The following PEG3 variants were observed in gnomAD, a reference collection of about 807,000 sequenced individuals.
The protein encoded by PEG3 is paternally expressed 3.
Under a neutral mutation model 35.5 loss-of-function variants are expected in PEG3, and 23 were observed. The observed-to-expected ratio is 0.65, with a 90% CI of 0.47 to 0.92. The LOEUF (loss-of-function observed/expected upper bound fraction) is 0.92. PEG3 is among the 40% of genes least tolerant of loss of function. The probability of loss-of-function intolerance (pLI) is 0.00; values close to 1 mark genes in which losing one functional copy is unlikely to be tolerated. For missense variants in PEG3, 1,960 were observed against 1,985.3 expected, an observed-to-expected ratio of 0.99 and a Z score of 0.24; for synonymous variants, 707 against 697.0, an observed-to-expected ratio of 1.01 and a Z score of -0.23.
At chr19:56,818,539 G>A in intron 8 of PEG3, 61 bp downstream of exon 8, 2 of 1,575,080 alleles carry the variant, frequency 1.3e-6, no homozygotes, top group Admixed American at 1.7e-5. Flanking sequence ...TTAAAAAGGA[G>A]CAAGATGACA....
In PEG3 at chr19:56,814,524, A is replaced by G. The variant is rs551557951; in HGVS notation, c.3918T>C (p.Asn1306=). Reference sequence around the variant, plus strand: ...AGGAGGACCCGTACTCATAGGGCTCATTCTTATGAACAGTTACGTGATCTG... The same window carrying G: ...AGGAGGACCCGTACTCATAGGGCTCGTTCTTATGAACAGTTACGTGATCTG... ...ELADHVTVHK[N]EPYEYGSSYT... The change falls in exon 10 of 10, where the codon AAT becomes AAC. Residue 1306 remains asparagine, a synonymous_variant. Coordinates refer to ENST00000326441, the MANE Select transcript of PEG3 (RefSeq NM_006210.3). The surrounding 1 kb of genome is among the most constrained non-coding windows in gnomAD (Gnocchi z 5.8). The G allele has an allele frequency of 1.2e-6, 2 of 1,614,022 alleles. No individual in the cohort carries two copies. Among genetic ancestry groups the G allele is most frequent in the African/African-American group, 1.3e-5 (1 of 75,050 alleles).
In PEG3 at chr19:56,812,570, A is replaced by G. The variant is rs1369163615; in HGVS notation, c.*1105T>C. On this transcript the variant is annotated 3_prime_UTR_variant, in exon 10 of 10. Transcript: ENST00000326441. ...GTGGCAGCATAAGCTGATGCTGCAC[A>G]GGGGACCCAAGCCATGTTGCTACTT... 3.0e-5 allele frequency: 30 copies of G among 985,724 alleles called. No homozygotes were observed. The highest frequency in any genetic ancestry group is 3.6e-5 in the Non-Finnish European group (30 of 829,920). 61.1% of individuals were successfully genotyped at this position (985,724 alleles called of 1,614,324 possible). A position where few individuals can be genotyped will look rare whatever the true frequency, so the allele number is the denominator to read the frequency against.
In PEG3 at chr19:56,813,876, T is replaced by G; in HGVS notation, c.4566A>C (p.Glu1522Asp). ...ETFTSSTAFS[E>D]HLKTHASMII... ...TCATGCTGGCATGAGTTTTCAGGTG[T>G]TCACTGAATGCTGTGCTGGAAGTGA... is the stretch of plus-strand genomic sequence containing the variant. Residue 1522 changes from glutamate (E) to aspartate (D), a missense_variant, in exon 10 of 10, where the codon GAA becomes GAC. Glu to Asp is a conservative substitution (Grantham distance 45). This residue lies in a region of PEG3 where 416 missense variants were observed against 416.7 expected (regional missense o/e 1.00). Transcript: ENST00000326441. 6.2e-7 allele frequency: 1 copy of G among 1,614,188 alleles called. No homozygotes were observed. Among genetic ancestry groups the G allele is most frequent in the Non-Finnish European group, 8.5e-7 (1 of 1,180,034 alleles).
chr19:56,812,928 GTA>G lies in PEG3; in HGVS notation c.*745_*746del. 1.0e-6 allele frequency: 1 copy of G among 985,524 alleles called. No homozygotes were observed. The highest frequency in any genetic ancestry group is 1.2e-6 in the Non-Finnish European group (1 of 829,794). The allele number at this position is 985,524 out of a possible 1,614,324, so 61.0% of individuals were successfully genotyped here. On this transcript the variant is annotated 3_prime_UTR_variant, in exon 10 of 10. Transcript: ENST00000326441. ...AATCTGGGTCACAAAAAGCCAATCCGTATATTGTAAAGCCTTACACAGTATTA... is the reference window on the plus strand; with the variant it reads ...AATCTGGGTCACAAAAAGCCAATCCGTATTGTAAAGCCTTACACAGTATTA...
chr19:56,824,148 C>G, intron 4 of PEG3, 114 bp downstream of exon 4: 1 of 1,492,176 alleles, frequency 6.7e-7, no homozygotes, highest in South Asian at 1.4e-5. Flanking sequence ...ATCCCCACCG[C>G]TGCCCAGGAC....
intron 3 of PEG3, among the ~76,000 whole-genome samples, chr19:56,825,459 G>A (rs1027285114): frequency 1.3e-5 from 2 of 151,976 alleles, no homozygotes; most frequent in African/African-American, 4.8e-5. Flanking sequence ...CTTTCTTACT[G>A]TTTCTTTACT....
chr19:56,835,616 T>G (rs2062015580), intron 2 of PEG3, among the ~76,000 whole-genome samples: 1 of 152,224 alleles, frequency 6.6e-6, no homozygotes, highest in Non-Finnish European at 1.5e-5. Flanking sequence ...TTCCACAGCT[T>G]TAATTCCCAA....
intron 2 of PEG3, among the ~76,000 whole-genome samples, chr19:56,830,919 T>G (rs1008636208): frequency 2.7e-5 from 4 of 150,602 alleles, no homozygotes; most frequent in Non-Finnish European, 5.9e-5. Context: ...AGAACTAGAC[T>G]GAATCACCAA....
chr19:56,817,341 T>G lies in PEG3; in HGVS notation c.1101A>C (p.Glu367Asp). 6.2e-7 allele frequency: 1 copy of G among 1,614,086 alleles called. No homozygotes were observed. Among genetic ancestry groups the G allele is most frequent in the Non-Finnish European group, 8.5e-7 (1 of 1,179,940 alleles). Residue 367 changes from glutamate to aspartate, a missense_variant, in exon 10 of 10, where the codon GAA (glutamate) becomes GAC (aspartate). Physicochemically the swap from Glu to Asp is conservative, Grantham distance 45. Around this residue, in one of 5 missense-constraint regions of PEG3, gnomAD observed 613 missense variants for 577.1 expected, o/e 1.06. Coordinates refer to ENST00000326441, the MANE Select transcript of PEG3 (RefSeq NM_006210.3). ...RESVIQQRVYEGNAFRGGFRF... is the reference protein window; with the variant it reads ...RESVIQQRVYDGNAFRGGFRF... ...TAAAGCCTCCCCTAAATGCATTCCCTTCATAAACCCGCTGCTGGATCACTG... is the reference window on the plus strand; with the variant it reads ...TAAAGCCTCCCCTAAATGCATTCCCGTCATAAACCCGCTGCTGGATCACTG...
At chr19:56,823,211 C>G (rs2060671471) in intron 5 of PEG3, among the ~76,000 whole-genome samples, 1 of 151,686 alleles carries the variant, frequency 6.6e-6, no homozygotes, top group Admixed American at 6.6e-5. Flanking sequence ...TATTCTACTA[C>G]AAAAAAAACA....
intron 1 of PEG3, among the ~76,000 whole-genome samples, chr19:56,837,484 GT>G (rs2062287628): frequency 6.6e-6 from 1 of 152,192 alleles, no homozygotes; most frequent in Admixed American, 6.5e-5. Flanking sequence ...AAACGTCTGA[GT>G]TTGGCCTTGG....
intron 2 of PEG3, among the ~76,000 whole-genome samples, chr19:56,827,602 T>C (rs922757257): frequency 6.6e-6 from 1 of 152,206 alleles, no homozygotes; most frequent in African/African-American, 2.4e-5. Flanking sequence ...AAATTAAAAG[T>C]GCACATATCC....
At chr19:56,823,183 C>T (rs914762179) in intron 5 of PEG3, among the ~76,000 whole-genome samples, 6 of 152,044 alleles carry the variant, frequency 3.9e-5, no homozygotes, top group Admixed American at 6.5e-5. Flanking sequence ...GTCTGGCAGC[C>T]GATCTTAAAG....
In PEG3 at chr19:56,815,068, T is replaced by C. The variant is rs2059845781; in HGVS notation, c.3374A>G (p.His1125Arg). Residue 1125 changes from histidine (H) to arginine (R), a missense_variant, in exon 10 of 10, where the codon CAT (histidine) becomes CGT (arginine). Transcript: ENST00000326441. ...GCACTTCCTGCTGTGGACTTTCTGA[T>C]GGTCTGTGAGGTCTGTGAGATCCAC... is the stretch of plus-strand genomic sequence containing the variant. ...GFVDLTDLTD[H>R]QKVHSRKCLV... 6.2e-7 allele frequency: 1 copy of C among 1,614,128 alleles called. No homozygotes were observed. The highest frequency in any genetic ancestry group is 8.5e-7 in the Non-Finnish European group (1 of 1,180,002).
chr19:56,833,559 C>G (rs2061785701), intron 2 of PEG3: 1 of 206,866 alleles, frequency 4.8e-6, no homozygotes, highest in South Asian at 8.1e-5. Context: ...GTGCATGCTA[C>G]AGCCTGATTC....
Position 56,810,117 on chromosome 19 carries a change from T to C in PEG3, c.*3558A>G. 1 of 954,046 alleles carries C rather than the reference T, an allele frequency of 1.0e-6. No individual in the cohort carries two copies. The highest frequency in any genetic ancestry group is 1.2e-6 in the Non-Finnish European group (1 of 801,370). The allele number at this position is 954,046 out of a possible 1,614,324, so 59.1% of individuals were successfully genotyped here. A position where few individuals can be genotyped will look rare whatever the true frequency, so the allele number is the denominator to read the frequency against. ...ACTTTATTTTTATTGTTGACACTAT[T>C]ACAGATAGAATGACCACAACCATAT... is the stretch of plus-strand genomic sequence containing the variant. On this transcript the variant is annotated 3_prime_UTR_variant, in exon 10 of 10. Transcript: ENST00000326441.
Position 56,812,878 on chromosome 19 carries a change from C to T in PEG3, c.*797G>A, listed in dbSNP as rs2059633170. 5 of 983,068 alleles carry T rather than the reference C, an allele frequency of 5.1e-6. No homozygotes were observed. The African/African-American group carries it at 7.1e-5, about 14-fold the overall frequency. The allele number at this position is 983,068 out of a possible 1,614,324, so 60.9% of individuals were successfully genotyped here. A position where few individuals can be genotyped will look rare whatever the true frequency, so the allele number is the denominator to read the frequency against. On this transcript the variant is annotated 3_prime_UTR_variant, in exon 10 of 10. Transcript: ENST00000326441. ...TATTTTTGCATGAGAACCACTTCAA[C>T]AAACATAACATGTGGCAACCAATCA...
In PEG3 at chr19:56,811,799, C is replaced by A. The variant is rs2059560084; in HGVS notation, c.*1876G>T. The A allele has an allele frequency of 3.0e-6, 3 of 985,390 alleles. No homozygotes were observed. The highest frequency in any genetic ancestry group is 1.7e-5 in the African/African-American group (1 of 57,234). The allele number at this position is 985,390 out of a possible 1,614,324, so 61.0% of individuals were successfully genotyped here. ...TACCATCAAAAACTCCTTTTCCAAA[C>A]TGCTCAGGACACCCCGCTCAATTCA... is the stretch of plus-strand genomic sequence containing the variant. On this transcript the variant is annotated 3_prime_UTR_variant, in exon 10 of 10. Coordinates refer to ENST00000326441, the MANE Select transcript of PEG3 (RefSeq NM_006210.3).
rs1183992595 is a variant in PEG3, at chr19:56,817,377, G to T, written c.1065C>A (p.Asn355Lys). The T allele has an allele frequency of 6.2e-7, 1 of 1,613,944 alleles. No individual in the cohort carries two copies. Among genetic ancestry groups the T allele is most frequent in the Non-Finnish European group, 8.5e-7 (1 of 1,179,876 alleles). Residue 355 changes from asparagine (N) to lysine (K), a missense_variant, in exon 10 of 10, where the codon AAC (asparagine) becomes AAA (lysine). By Grantham distance (94) the Asn-to-Lys change is moderately conservative (BLOSUM62 0). This residue lies in a region of PEG3 where 613 missense variants were observed against 577.1 expected (regional missense o/e 1.06). Transcript: ENST00000326441. ...GCTGCTGGATCACTGACTCCCTCTT[G>T]TTCAATGAAATGTCCTTCCAGTTAT... ...SDDNWKDISL[N>K]KRESVIQQRV...
Sources: gnomAD v4.1 joint callset for allele counts (sites outside exome capture counted in the v4.1 genomes callset) on GRCh38, gnomAD v4.1.1 for gene constraint, gnomAD v4.1.1 regional missense constraint, Gnocchi (gnomAD v3.1) non-coding constraint, MANE v1.5 for transcripts, NCBI Gene and HGNC (gene_info 2026-07-23, HGNC 2026-07-21) for gene names.